The following PAK5 variants were observed in gnomAD, a reference collection of about 807,000 sequenced individuals.
The protein encoded by PAK5 is serine/threonine-protein kinase PAK 5.
Under a neutral mutation model 65.9 loss-of-function variants are expected in PAK5, and 16 were observed. The ratio of observed to expected loss-of-function variants is 0.24; its 90% CI spans 0.16 to 0.37. The LOEUF is 0.37. PAK5 is among the 10% of genes least tolerant of loss of function. The pLI, the probability that PAK5 is intolerant of heterozygous loss-of-function variation, is 1.00. For missense variants in PAK5, 785 were observed against 903.9 expected, an observed-to-expected ratio of 0.87 and a Z score of 1.69; for synonymous variants, 371 against 354.9, an observed-to-expected ratio of 1.05 and a Z score of -0.51.
chr20:9,641,150 G>C (rs1373419541), intron 3 of PAK5, among the ~76,000 whole-genome samples: 1 of 151,982 alleles, frequency 6.6e-6, no homozygotes, highest in Non-Finnish European at 1.5e-5. Flanking sequence ...TAGATACAGA[G>C]TTTCGACACA....
intron 9 of PAK5, 134 bp from the exon 10 acceptor site, chr20:9,539,751 A>G (rs2045230307): frequency 1.4e-6 from 1 of 694,690 alleles, no homozygotes; most frequent in Non-Finnish European, 2.5e-6. Flanking sequence ...ATGTTGTGAA[A>G]GCAAAAGCAT....
intron 1 of PAK5, among the ~76,000 whole-genome samples, chr20:9,735,983 C>T (rs184920262): frequency 6.7e-6 from 1 of 150,238 alleles, no homozygotes; most frequent in East Asian, 2.0e-4. Context: ...CTCACCACAA[C>T]TTCCAACTCC....
At chr20:9,809,462 C>A (rs2049272963) in intron 1 of PAK5, among the ~76,000 whole-genome samples, 1 of 151,318 alleles carries the variant, frequency 6.6e-6, no homozygotes, top group Admixed American at 6.6e-5. Flanking sequence ...CAAGTATCTG[C>A]TTTTAGAAAG....
At position 9,837,275 on chromosome 20, in the gene PAK5, G is replaced by A. The variant is rs143673419; in HGVS notation, c.-162+1487C>T. On this transcript the variant is annotated intron_variant, in intron 1 of 9. Transcript: ENST00000353224. ...GGTATTATCAGATTGGACATTTATG[G>A]CTTTAATTTACTTAAATGCATTTTC... Among the ~76,000 whole-genome samples the A allele has an allele frequency of 4.7e-3, 712 of 152,164 alleles. 5 individuals carry two copies. The highest frequency in any genetic ancestry group is 0.016 in the African/African-American group (665 of 41,508).
intron 3 of PAK5, among the ~76,000 whole-genome samples, chr20:9,618,692 C>T (rs1201037436): frequency 1.3e-5 from 2 of 151,460 alleles, no homozygotes; most frequent in African/African-American, 2.4e-5. Context: ...GGATTACAGG[C>T]GTGAGCCACT....
In PAK5 at chr20:9,627,181, G is replaced by T. The variant is rs145619455; in HGVS notation, c.204+16944C>A. 8.0e-3 allele frequency among the ~76,000 whole-genome samples: 1,220 copies of T among 152,312 alleles called. 12 individuals carry two copies. Among genetic ancestry groups the T allele is most frequent in the African/African-American group, 0.027 (1,141 of 41,568 alleles). ...TTCTAGAGAAGGTTTATCACATTCA[G>T]CTGTTTCTCCAGCTTTCTGCTCTAA... On this transcript the variant is annotated intron_variant, in intron 3 of 9. Coordinates refer to ENST00000353224, the MANE Select transcript of PAK5 (RefSeq NM_177990.4).
At chr20:9,650,869 C>T (rs1300533275) in intron 2 of PAK5, among the ~76,000 whole-genome samples, 2 of 152,082 alleles carry the variant, frequency 1.3e-5, no homozygotes, top group Non-Finnish European at 2.9e-5. Flanking sequence ...CATATGGAGA[C>T]CCCCGTTTCT....
At chr20:9,655,763 G>A (rs2047259567) in intron 2 of PAK5, among the ~76,000 whole-genome samples, 1 of 152,116 alleles carries the variant, frequency 6.6e-6, no homozygotes, top group Non-Finnish European at 1.5e-5. Context: ...CAGATTGGGT[G>A]GCTTAAGCAA....
intron 1 of PAK5, among the ~76,000 whole-genome samples, chr20:9,793,396 C>T (rs996603351): frequency 6.6e-6 from 1 of 152,034 alleles, no homozygotes; most frequent in Admixed American, 6.6e-5. Flanking sequence ...CAATAGGTTA[C>T]CTATAGGTTG....
chr20:9,720,596 T>C (rs1473629914), intron 1 of PAK5, among the ~76,000 whole-genome samples: 2 of 152,080 alleles, frequency 1.3e-5, no homozygotes, highest in Admixed American at 6.6e-5. Context: ...GCAATTCCAC[T>C]CCCAGGTATA....
intron 1 of PAK5, among the ~76,000 whole-genome samples, chr20:9,768,625 A>C (rs1301923179): frequency 1.3e-5 from 2 of 152,028 alleles, no homozygotes; most frequent in African/African-American, 4.8e-5. Flanking sequence ...TCTACTAAAA[A>C]TACAAAAATT....
intron 2 of PAK5, among the ~76,000 whole-genome samples, chr20:9,651,612 T>C (rs571731016): frequency 7.9e-5 from 12 of 152,332 alleles, no homozygotes; most frequent in South Asian, 4.1e-4. Context: ...TAAAAATTGG[T>C]TAAAATGGTA....
chr20:9,581,608 T>C (rs1170152002), intron 3 of PAK5, among the ~76,000 whole-genome samples: 1 of 152,222 alleles, frequency 6.6e-6, no homozygotes, highest in African/African-American at 2.4e-5. Context: ...TTGTTTGTTA[T>C]GGCCACACTT....
chr20:9,788,145 T>C (rs556983169), intron 1 of PAK5, among the ~76,000 whole-genome samples: 2 of 152,218 alleles, frequency 1.3e-5, no homozygotes, highest in South Asian at 2.1e-4. Flanking sequence ...ATGATGGTCA[T>C]AGATGACTAT....
At chr20:9,724,590 TGGG>T (rs895894816) in intron 1 of PAK5, among the ~76,000 whole-genome samples, 14 of 152,302 alleles carry the variant, frequency 9.2e-5, no homozygotes, top group African/African-American at 3.1e-4. Flanking sequence ...TTCTTGGAGT[TGGG>T]GTAGCTATGG....
intron 3 of PAK5, among the ~76,000 whole-genome samples, chr20:9,621,221 A>C (rs912512533): frequency 5.3e-5 from 8 of 152,104 alleles, no homozygotes; most frequent in African/African-American, 1.9e-4. Flanking sequence ...CCTATGCAAA[A>C]ATATAAAGAG....
rs909928638 is a variant in PAK5, at chr20:9,610,177, T to C, written c.205-29247A>G. ...TCACACCGCCATACGCAAAGCCGAA[T>C]GTATATAATTGGCTAATAAACTTCA... On this transcript the variant is annotated intron_variant, in intron 3 of 9. Coordinates refer to ENST00000353224, the MANE Select transcript of PAK5 (RefSeq NM_177990.4). Among the ~76,000 whole-genome samples the C allele has an allele frequency of 5.3e-5, 8 of 152,200 alleles. No individual in the cohort carries two copies. In the South Asian group the frequency reaches 6.2e-4, roughly 12 times the overall value.
At chr20:9,557,839 C>G (rs2045531980) in intron 6 of PAK5, 105 bp from the exon 7 acceptor site, 2 of 786,816 alleles carry the variant, frequency 2.5e-6, no homozygotes, top group South Asian at 2.2e-5. Context: ...TCCACGTGCT[C>G]CAGCCCATAT....
At chr20:9,809,963 T>C (rs1001568380) in intron 1 of PAK5, among the ~76,000 whole-genome samples, 4 of 152,214 alleles carry the variant, frequency 2.6e-5, no homozygotes, top group Non-Finnish European at 5.9e-5. Context: ...TTTGTAAGCA[T>C]TTTCCTAACG....
Sources: gnomAD v4.1 joint callset for allele counts (sites outside exome capture counted in the v4.1 genomes callset) on GRCh38, gnomAD v4.1.1 for gene constraint, MANE v1.5 for transcripts, NCBI Gene and HGNC (gene_info 2026-07-23, HGNC 2026-07-21) for gene names.